GPC6: variants seen among roughly 807,000 people sequenced by gnomAD.
GPC6 encodes the protein glypican 6.
Under a neutral mutation model 55.2 loss-of-function variants are expected in GPC6, and 14 were observed. That is an observed-to-expected ratio of 0.25 (90% CI 0.17 to 0.40). The LOEUF is 0.40. GPC6 is among the 10% of genes least tolerant of loss of function. The pLI is 1.00. For synonymous variants in GPC6, 278 were observed against 259.6 expected (o/e 1.07, Z -0.68); for missense variants, 641 against 708.5 (o/e 0.90, Z 1.08).
intron 1 of GPC6, among the ~76,000 whole-genome samples, chr13:93,520,491 T>C (rs1402170392): frequency 1.3e-5 from 2 of 151,890 alleles, no homozygotes; most frequent in Non-Finnish European, 2.9e-5. Context: ...TTAGTTTTGC[T>C]TTAAAGGAAT....
At chr13:94,302,232 G>GCTTTA (rs1439354219) in intron 5 of GPC6, among the ~76,000 whole-genome samples, 4 of 152,220 alleles carry the variant, frequency 2.6e-5, no homozygotes, top group Non-Finnish European at 5.9e-5. Flanking sequence ...CTGGAGGCTG[G>GCTTTA]GAAGTCTAAG....
intron 4 of GPC6, among the ~76,000 whole-genome samples, chr13:94,055,749 T>A (rs1884110019): frequency 6.6e-6 from 1 of 152,174 alleles, no homozygotes; most frequent in African/African-American, 2.4e-5. Context: ...TAGTTTTGAA[T>A]CATGGATCCC....
At chr13:93,687,221 T>C (rs1384393925) in intron 2 of GPC6, among the ~76,000 whole-genome samples, 2 of 152,152 alleles carry the variant, frequency 1.3e-5, no homozygotes, top group Non-Finnish European at 2.9e-5. Flanking sequence ...ATTGTTTTCT[T>C]ACAGAATTAT....
intron 2 of GPC6, among the ~76,000 whole-genome samples, chr13:93,789,005 A>C (rs548660875): frequency 1.2e-4 from 19 of 152,214 alleles, no homozygotes; most frequent in African/African-American, 4.3e-4. Flanking sequence ...ATTGAGATTC[A>C]GGTTTTATTT....
intron 3 of GPC6, among the ~76,000 whole-genome samples, chr13:93,862,484 G>A (rs924411006): frequency 1.3e-5 from 2 of 151,544 alleles, no homozygotes; most frequent in Admixed American, 1.3e-4. Context: ...TCACAAAGTG[G>A]ATTACATAAA....
At chr13:94,029,672 A>T (rs2138723298) in intron 4 of GPC6, among the ~76,000 whole-genome samples, 1 of 152,334 alleles carries the variant, frequency 6.6e-6, no homozygotes, top group Middle Eastern at 3.4e-3. Flanking sequence ...CCTGCAAGTT[A>T]TTGAAGAAGA....
At chr13:93,250,120 T>C (rs984059062) in intron 1 of GPC6, among the ~76,000 whole-genome samples, 1 of 152,230 alleles carries the variant, frequency 6.6e-6, no homozygotes, top group African/African-American at 2.4e-5. Context: ...GATTTTTCCA[T>C]CTGTAAACAG....
At chr13:94,195,524 T>C (rs1321712977) in intron 4 of GPC6, among the ~76,000 whole-genome samples, 1 of 148,530 alleles carries the variant, frequency 6.7e-6, no homozygotes, top group Non-Finnish European at 1.5e-5. Context: ...CATGTTCACA[T>C]TATTATTCTC....
At chr13:93,890,178 T>C (rs1875583419) in intron 3 of GPC6, among the ~76,000 whole-genome samples, 1 of 152,132 alleles carries the variant, frequency 6.6e-6, no homozygotes, top group Non-Finnish European at 1.5e-5. Flanking sequence ...CCTGATGGTT[T>C]CTATGCCAAC....
chr13:94,099,951 C>T (rs1594735850), intron 4 of GPC6, among the ~76,000 whole-genome samples: 3 of 152,180 alleles, frequency 2.0e-5, no homozygotes, highest in Admixed American at 2.0e-4. Context: ...ATAGAAACTG[C>T]AGATACTTGA....
chr13:93,807,325 G>C (rs770029900), intron 2 of GPC6, among the ~76,000 whole-genome samples: 6 of 152,164 alleles, frequency 3.9e-5, no homozygotes, highest in Non-Finnish European at 8.8e-5. Context: ...GAGATTTAAG[G>C]AAAGATCTCT....
At chr13:94,183,784 T>C (rs929749969) in intron 4 of GPC6, among the ~76,000 whole-genome samples, 2 of 152,200 alleles carry the variant, frequency 1.3e-5, no homozygotes, top group African/African-American at 4.8e-5. Flanking sequence ...ACACATGCTG[T>C]CTTCAGCATG....
chr13:94,172,565 T>C (rs1407916206), intron 4 of GPC6, among the ~76,000 whole-genome samples: 1 of 152,216 alleles, frequency 6.6e-6, no homozygotes, highest in Non-Finnish European at 1.5e-5. Flanking sequence ...GCCATACTTA[T>C]TCATTAACAT....
At chr13:93,918,849 C>T (rs1305800952) in intron 3 of GPC6, among the ~76,000 whole-genome samples, 1 of 152,202 alleles carries the variant, frequency 6.6e-6, no homozygotes, top group Non-Finnish European at 1.5e-5. Context: ...TGGTCCATTT[C>T]CCACCAATTA....
chr13:94,375,190 A>G (rs1879781863), intron 6 of GPC6, among the ~76,000 whole-genome samples: 1 of 151,926 alleles, frequency 6.6e-6, no homozygotes, highest in Non-Finnish European at 1.5e-5. Flanking sequence ...AAGCTAGCAG[A>G]AGGCAAGAAA....
chr13:94,202,534 G>C (rs948007304), intron 4 of GPC6, among the ~76,000 whole-genome samples: 1 of 152,158 alleles, frequency 6.6e-6, no homozygotes, highest in Non-Finnish European at 1.5e-5. Flanking sequence ...CAAGAGAACA[G>C]TATGGGGGAA....
intron 2 of GPC6, among the ~76,000 whole-genome samples, chr13:93,561,295 T>G (rs1875778343): frequency 1.3e-5 from 2 of 151,572 alleles, no homozygotes; most frequent in Non-Finnish European, 2.9e-5. Context: ...TGGGAAAATA[T>G]CAGATATTTT....
intron 1 of GPC6, among the ~76,000 whole-genome samples, chr13:93,306,990 AGATCAGT>A (rs1878882400): frequency 6.6e-6 from 1 of 152,168 alleles, no homozygotes; most frequent in Non-Finnish European, 1.5e-5. Flanking sequence ...GAAGCTTAGA[AGATCAGT>A]GGTGCTTAGA....
intron 1 of GPC6, among the ~76,000 whole-genome samples, chr13:93,339,315 C>T (rs1880153871): frequency 6.6e-6 from 1 of 151,274 alleles, no homozygotes; most frequent in African/African-American, 2.4e-5. Flanking sequence ...TTGAAAACCT[C>T]TCATGATCAT....
Sources: allele counts gnomAD v4.1 joint callset (sites outside exome capture counted in the v4.1 genomes callset), GRCh38; gene constraint gnomAD v4.1.1; transcripts MANE v1.5; gene names NCBI Gene and HGNC (gene_info 2026-07-23, HGNC 2026-07-21).